Variants in ADPRHL1 observed in about 807,000 individuals in gnomAD.
ADPRHL1 encodes the protein ADP-ribosylhydrolase like 1.
A neutral mutation model predicts 44.1 loss-of-function variants in ADPRHL1; 43 were observed. The observed-to-expected ratio is 0.98, with a 90% CI of 0.76 to 1.26. The LOEUF (loss-of-function observed/expected upper bound fraction) is 1.26, where lower values mean the gene tolerates loss of function less well. Ranked by LOEUF, ADPRHL1 falls within the 50% of genes most tolerant of loss-of-function variation. The pLI, the probability that ADPRHL1 is intolerant of heterozygous loss-of-function variation, is 0.00. For missense variants in ADPRHL1, 2,022 were observed against 2,496.9 expected, an observed-to-expected ratio of 0.81 and a Z score of 4.05; for synonymous variants, 878 against 1,017.4, an observed-to-expected ratio of 0.86 and a Z score of 2.61.
chr13:113,409,231 G>C lies in ADPRHL1; in HGVS notation c.1062-1011C>G. On this transcript the variant is annotated intron_variant, in intron 7 of 7. Coordinates refer to ENST00000612156, the MANE Select transcript of ADPRHL1 (RefSeq NM_001394807.1). The surrounding 1 kb of genome is among the most constrained non-coding windows in gnomAD (Gnocchi z 4.2). ...TGGGTCCGGGGTAAGTTCTGCTCCT[G>C]AGCAGCCGTGACCACAGGAGCAAAG... 1 of 925,752 alleles carries C rather than the reference G, an allele frequency of 1.1e-6. No homozygotes were observed. Among genetic ancestry groups the C allele is most frequent in the South Asian group, 5.0e-5 (1 of 20,188 alleles). 57.3% of individuals were successfully genotyped at this position (925,752 alleles called of 1,614,324 possible). A position where few individuals can be genotyped will look rare whatever the true frequency, so the allele number is the denominator to read the frequency against.
intron 1 of ADPRHL1, among the ~76,000 whole-genome samples, chr13:113,445,075 C>T (rs1277490018): frequency 6.6e-6 from 1 of 152,190 alleles, no homozygotes. Context: ...GCTGCAGGGA[C>T]AGCTGCCACC....
At chr13:113,408,329 C>G in intron 7 of ADPRHL1, 109 bp from the exon 8 acceptor site, 1 of 1,118,986 alleles carries the variant, frequency 8.9e-7, no homozygotes, top group Non-Finnish European at 1.1e-6. Flanking sequence ...CCCCAAAAGT[C>G]TGGTAGGGAG....
At chr13:113,448,262 G>A (rs1301083428) in intron 1 of ADPRHL1, among the ~76,000 whole-genome samples, 1 of 151,792 alleles carries the variant, frequency 6.6e-6, no homozygotes, top group Non-Finnish European at 1.5e-5. Flanking sequence ...TGGGAGGCTG[G>A]GATGGGCAGA....
rs2043805078 is a variant in ADPRHL1 at position 113,405,929 on chromosome 13, C to G, written c.3353G>C (p.Gly1118Ala). The G allele has an allele frequency of 8.1e-7, 1 of 1,231,916 alleles. No individual in the cohort carries two copies. The highest frequency in any genetic ancestry group is 1.0e-6 in the Non-Finnish European group (1 of 988,060). The allele number at this position is 1,231,916 out of a possible 1,614,324, so 76.3% of individuals were successfully genotyped here. ...MKACGAMAAAGSVASRATPAP... is the reference protein window; with the variant it reads ...MKACGAMAAAASVASRATPAP... ...AGGCGTGGCGCGGCTCGCAACGCTCCCTGCAGCTGCCATCGCCCCACAGGC... is the reference window on the plus strand; with the variant it reads ...AGGCGTGGCGCGGCTCGCAACGCTCGCTGCAGCTGCCATCGCCCCACAGGC... Residue 1118 changes from glycine to alanine, a missense_variant, in exon 8 of 8, where the codon GGG becomes GCG. Physicochemically the swap from Gly to Ala is moderately conservative, Grantham distance 60. Transcript: ENST00000612156.
In ADPRHL1 at chr13:113,434,520, AT is replaced by A. The variant is rs1566477386; in HGVS notation, c.380-654del. Among the ~76,000 whole-genome samples the A allele has an allele frequency of 1.0e-3, 136 of 133,192 alleles. 2 individuals carry two copies. The highest frequency in any genetic ancestry group is 3.4e-3 in the African/African-American group (118 of 35,146). The allele number at this position is 133,192 out of a possible 152,430, so 87.4% of individuals were successfully genotyped here. A position where few individuals can be genotyped will look rare whatever the true frequency, so the allele number is the denominator to read the frequency against. ...GTGTACCCCGGGACCCAGCATCCAC[AT>A]GTAGAGTGAACACAGGTGTACCCCG... On this transcript the variant is annotated intron_variant, in intron 2 of 7. Coordinates refer to ENST00000612156, the MANE Select transcript of ADPRHL1 (RefSeq NM_001394807.1).
At chr13:113,419,551 A>G (rs1451997265) in intron 7 of ADPRHL1, among the ~76,000 whole-genome samples, 2 of 152,182 alleles carry the variant, frequency 1.3e-5, no homozygotes, top group Non-Finnish European at 2.9e-5. Flanking sequence ...GAAATACAGC[A>G]TCGCTGCGCT....
At chr13:113,446,813 C>T (rs116023529) in intron 1 of ADPRHL1, among the ~76,000 whole-genome samples, 4 of 148,742 alleles carry the variant, frequency 2.7e-5, no homozygotes, top group South Asian at 2.1e-4. Flanking sequence ...ATTGTCTACA[C>T]GCACAGTGTT....
intron 3 of ADPRHL1, among the ~76,000 whole-genome samples, chr13:113,431,507 C>T (rs1230914534): frequency 6.6e-6 from 1 of 152,194 alleles, no homozygotes; most frequent in East Asian, 1.9e-4. Context: ...GCTCTGCCCC[C>T]GCGCAGGGTG....
At chr13:113,416,855 G>A (rs764852840) in intron 7 of ADPRHL1, among the ~76,000 whole-genome samples, 38 of 152,196 alleles carry the variant, frequency 2.5e-4, no homozygotes, top group Non-Finnish European at 7.3e-5. Context: ...GGGTCGGCAG[G>A]TTATTCTCAA....
chr13:113,453,261 G>C lies in ADPRHL1; in HGVS notation c.177C>G (p.Thr59=). 1 of 1,614,126 alleles carries C rather than the reference G, an allele frequency of 6.2e-7. No individual in the cohort carries two copies. Among genetic ancestry groups the C allele is most frequent in the East Asian group, 2.2e-5 (1 of 44,878 alleles). ...SPGEWPVSDN[T]IMHIATAEAL... is the part of the protein sequence containing the mutation. Reference sequence around the variant, plus strand: ...CCTCGGCGGTTGCGATGTGCATGATGGTGTTGTCACTCACGGGCCATTCTC... The same window carrying C: ...CCTCGGCGGTTGCGATGTGCATGATCGTGTTGTCACTCACGGGCCATTCTC... Residue 59 remains threonine, a synonymous_variant, in exon 1 of 8, where the codon ACC becomes ACG. Coordinates refer to ENST00000612156, the MANE Select transcript of ADPRHL1 (RefSeq NM_001394807.1). The surrounding 1 kb of genome is among the most constrained non-coding windows in gnomAD (Gnocchi z 5.4).
chr13:113,405,494 A>C lies in ADPRHL1; in HGVS notation c.3788T>G (p.Ile1263Ser). 8.1e-7 allele frequency: 1 copy of C among 1,231,932 alleles called. No individual in the cohort carries two copies. 76.3% of individuals were successfully genotyped at this position (1,231,932 alleles called of 1,614,324 possible). ...NLLGFSTESG[I>S]PASDHPRPQA... Reference sequence around the variant, plus strand: ...TGGCCTAGGATGATCAGAAGCAGGAATTCCAGACTCTGTGCTGAAACCCAA... The same window carrying C: ...TGGCCTAGGATGATCAGAAGCAGGACTTCCAGACTCTGTGCTGAAACCCAA... The change falls in exon 8 of 8, where the codon ATT becomes AGT. Residue 1263 changes from isoleucine (I) to serine (S), a missense_variant. Ile to Ser is a moderately radical substitution (Grantham distance 142, BLOSUM62 -2). Transcript: ENST00000612156.
At chr13:113,446,327 C>T (rs1480100431) in intron 1 of ADPRHL1, among the ~76,000 whole-genome samples, 3 of 151,730 alleles carry the variant, frequency 2.0e-5, no homozygotes, top group Non-Finnish European at 4.4e-5. Flanking sequence ...GCTGTGAACC[C>T]CCCAGAGAGA....
chr13:113,410,092 C>A, intron 7 of ADPRHL1: 1 of 985,380 alleles, frequency 1.0e-6, no homozygotes, highest in Non-Finnish European at 1.2e-6. Context: ...ACCACATGAC[C>A]ACGTAGCCGT....
intron 2 of ADPRHL1, among the ~76,000 whole-genome samples, chr13:113,443,664 G>A (rs936307589): frequency 3.3e-5 from 5 of 151,572 alleles, no homozygotes; most frequent in Middle Eastern, 6.8e-3. Flanking sequence ...TTAAAGCTTC[G>A]CTGGGCATGG....
rs9577545 is a variant in ADPRHL1 at position 113,421,335 on chromosome 13, C to T, written c.1061+1491G>A. Among the ~76,000 whole-genome samples, 8 of 140,578 alleles carry T rather than the reference C, an allele frequency of 5.7e-5. 1 individual carries two copies. In the South Asian group the frequency reaches 6.7e-4, roughly 12 times the overall value. 92.2% of individuals were successfully genotyped at this position (140,578 alleles called of 152,430 possible). On this transcript the variant is annotated intron_variant, in intron 7 of 7. Transcript: ENST00000612156. ...CACGCCCACCCCGGGACACGCCCACCCCCGGGACACGCCCACTCCCGGGAC... is the reference window on the plus strand; with the variant it reads ...CACGCCCACCCCGGGACACGCCCACTCCCGGGACACGCCCACTCCCGGGAC...
Position 113,444,452 on chromosome 13 carries a change from C to A in ADPRHL1, c.352G>T (p.Ala118Ser). The change falls in exon 2 of 8, where the codon GCC (alanine) becomes TCC (serine). Residue 118 changes from alanine to serine, a missense_variant. Physicochemically the swap from Ala to Ser is moderately conservative, Grantham distance 99. Coordinates refer to ENST00000612156, the MANE Select transcript of ADPRHL1 (RefSeq NM_001394807.1). ...AQLKPNNYLL[A>S]WHTPFNEKGS... is the part of the protein sequence containing the mutation. ...TTTTCATTGAACGGTGTGTGCCAGG[C>A]GAGAAGGTAGTTATTGGGCTTTAGC... 3 of 1,614,120 alleles carry A rather than the reference C, an allele frequency of 1.9e-6. No homozygotes were observed. The highest frequency in any genetic ancestry group is 2.5e-6 in the Non-Finnish European group (3 of 1,180,006).
chr13:113,431,098 T>C (rs1042964380), intron 3 of ADPRHL1, among the ~76,000 whole-genome samples: 3 of 152,104 alleles, frequency 2.0e-5, no homozygotes, highest in African/African-American at 2.4e-5. Flanking sequence ...CACAGCCACC[T>C]AGGAGAGGGG....
Position 113,408,094 on chromosome 13 carries a change from G to A in ADPRHL1, c.1188C>T (p.Val396=), listed in dbSNP as rs2043822899. ...CCGGGGGCCGGTCTGCGCGGCCCGT[G>A]ACGTAGAGCAGCAGGCTGCTGAGGA... ...HSILSSLLLY[V]TGRADRPPGT... The change falls in exon 8 of 8, where the codon GTC becomes GTT. Residue 396 remains valine, a synonymous_variant. Transcript: ENST00000612156. 2.4e-6 allele frequency: 3 copies of A among 1,231,908 alleles called. No homozygotes were observed. Among genetic ancestry groups the A allele is most frequent in the African/African-American group, 3.1e-5 (2 of 64,442 alleles). The allele number at this position is 1,231,908 out of a possible 1,614,324, so 76.3% of individuals were successfully genotyped here. A position where few individuals can be genotyped will look rare whatever the true frequency, so the allele number is the denominator to read the frequency against.
At chr13:113,424,487 C>T in intron 5 of ADPRHL1, 138 bp from the exon 6 acceptor site, 1 of 1,220,946 alleles carries the variant, frequency 8.2e-7, no homozygotes. Context: ...ATGAATCTGG[C>T]TCTGTCCCCC....
Sources: gnomAD v4.1 joint callset for allele counts (sites outside exome capture counted in the v4.1 genomes callset) on GRCh38, gnomAD v4.1.1 for gene constraint, Gnocchi (gnomAD v3.1) non-coding constraint, MANE v1.5 for transcripts, NCBI Gene and HGNC (gene_info 2026-07-23, HGNC 2026-07-21) for gene names.